Variants in GALNT2 observed in about 807,000 individuals in gnomAD.
GALNT2 encodes the protein UDP-GalNAc:polypeptide N-acetylgalactosaminyltransferase 2.
A neutral mutation model predicts 81.4 loss-of-function variants in GALNT2; 31 were observed. That is an observed-to-expected ratio of 0.38 (90% CI 0.29 to 0.51). GALNT2 has a LOEUF of 0.51. Ranked by LOEUF, GALNT2 falls within the 20% of genes least tolerant of loss-of-function variation. The probability of loss-of-function intolerance (pLI) is 0.87; values close to 1 mark genes in which losing one functional copy is unlikely to be tolerated. For synonymous variants in GALNT2, 303 were observed against 287.4 expected, an observed-to-expected ratio of 1.05 and a Z score of -0.55; for missense variants, 629 against 765.7, an observed-to-expected ratio of 0.82 and a Z score of 2.11.
At chr1:230,250,190 TCGCTCCCACATAGG>T (rs1665499837) in intron 9 of GALNT2, among the ~76,000 whole-genome samples, 1 of 152,214 alleles carries the variant, frequency 6.6e-6, no homozygotes, top group Non-Finnish European at 1.5e-5. Flanking sequence ...GCCCCAGCAG[TCGCTCCCACATAGG>T]GGAGGCTCAG....
intron 1 of GALNT2, among the ~76,000 whole-genome samples, chr1:230,101,630 C>G (rs72758273): frequency 0.16 from 24,282 of 152,196 alleles, 2,059 homozygotes; most frequent in South Asian, 0.23. Flanking sequence ...CAGCCAAACT[C>G]TGGGCCAAAA....
At chr1:230,141,668 A>G (rs1661737894) in intron 1 of GALNT2, among the ~76,000 whole-genome samples, 1 of 151,340 alleles carries the variant, frequency 6.6e-6, no homozygotes, top group Non-Finnish European at 1.5e-5. Flanking sequence ...GTTAGGCCAC[A>G]TTTTGTTGAT....
intron 3 of GALNT2, among the ~76,000 whole-genome samples, chr1:230,208,581 A>G (rs1664137723): frequency 6.6e-6 from 1 of 152,220 alleles, no homozygotes; most frequent in Non-Finnish European, 1.5e-5. Context: ...TGTTAAGCCC[A>G]AGGGAATGGA....
rs929038768 is a variant in GALNT2, at chr1:230,243,778, C to T, written c.729+351C>T. On this transcript the variant is annotated intron_variant, in intron 7 of 15. Transcript: ENST00000366672. The surrounding 1 kb of genome is among the most constrained non-coding windows in gnomAD (Gnocchi z 4.2). ...TTCGCAGAGTGCTTAGAACATTGCC[C>T]GGCACCTAGCAAGTGCCATCTCTTG... is the stretch of plus-strand genomic sequence containing the variant. Among the ~76,000 whole-genome samples, 22 of 152,142 alleles carry T rather than the reference C, an allele frequency of 1.4e-4. No homozygotes were observed. Among genetic ancestry groups the T allele is most frequent in the Admixed American group, 3.9e-4 (6 of 15,274 alleles).
intron 10 of GALNT2, among the ~76,000 whole-genome samples, chr1:230,251,845 G>C (rs1024083978): frequency 2.6e-5 from 4 of 152,174 alleles, no homozygotes; most frequent in Admixed American, 1.3e-4. Context: ...TTGTGTCATC[G>C]TGTAGGAAGA....
At chr1:230,097,884 T>C (rs1294558226) in intron 1 of GALNT2, among the ~76,000 whole-genome samples, 1 of 152,224 alleles carries the variant, frequency 6.6e-6, no homozygotes, top group African/African-American at 2.4e-5. Flanking sequence ...GTCTTTAGGT[T>C]TGGTCGCTAT....
intron 2 of GALNT2, among the ~76,000 whole-genome samples, chr1:230,182,827 C>G (rs773315876): frequency 2.0e-5 from 3 of 152,184 alleles, no homozygotes; most frequent in Non-Finnish European, 4.4e-5. Context: ...TGACAGAGGA[C>G]TATTGAGGTC....
intron 2 of GALNT2, among the ~76,000 whole-genome samples, chr1:230,185,694 A>G (rs527274577): frequency 2.6e-5 from 4 of 152,274 alleles, no homozygotes; most frequent in Admixed American, 2.0e-4. Flanking sequence ...GCTTCTTTCA[A>G]AATGGTTATT....
chr1:230,118,217 C>G (rs925513895), intron 1 of GALNT2, among the ~76,000 whole-genome samples: 1 of 152,140 alleles, frequency 6.6e-6, no homozygotes, highest in Non-Finnish European at 1.5e-5. Flanking sequence ...CTGGATATAC[C>G]ACAGTTAATC....
chr1:230,258,154 A>T (rs1665770640), intron 11 of GALNT2, among the ~76,000 whole-genome samples: 1 of 152,114 alleles, frequency 6.6e-6, no homozygotes, highest in Non-Finnish European at 1.5e-5. Flanking sequence ...ACCTCAGGTG[A>T]TCTGCCCACC....
intron 3 of GALNT2, among the ~76,000 whole-genome samples, chr1:230,224,791 G>A (rs943690124): frequency 1.3e-5 from 2 of 152,220 alleles, no homozygotes; most frequent in Non-Finnish European, 2.9e-5. Flanking sequence ...TGAGATTAGA[G>A]GACTTCAAAG....
chr1:230,184,013 C>T (rs1663239506), intron 2 of GALNT2, among the ~76,000 whole-genome samples: 1 of 151,800 alleles, frequency 6.6e-6, no homozygotes, highest in African/African-American at 2.4e-5. Flanking sequence ...TTTACCTTCA[C>T]TTATTCCTTC....
At chr1:230,091,769 CAGTT>C (rs1388700043) in intron 1 of GALNT2, 2 of 152,430 alleles carry the variant, frequency 1.3e-5, no homozygotes, top group East Asian at 3.9e-4. Context: ...ATTCAGTCTT[CAGTT>C]ATCCCAGCAC....
chr1:230,161,687 G>A (rs181845595), intron 1 of GALNT2, among the ~76,000 whole-genome samples: 6 of 152,238 alleles, frequency 3.9e-5, no homozygotes, highest in Non-Finnish European at 8.8e-5. Context: ...TGCCTTTGGC[G>A]GGTGACTCAC....
chr1:230,270,548 C>G (rs1482262461), intron 14 of GALNT2, among the ~76,000 whole-genome samples: 1 of 152,200 alleles, frequency 6.6e-6, no homozygotes. Flanking sequence ...CCCTGGGTGC[C>G]CTGTAGCTAG....
intron 1 of GALNT2, among the ~76,000 whole-genome samples, chr1:230,138,737 T>C (rs4846902): frequency 0.76 from 115,412 of 152,050 alleles, 44,413 homozygotes; most frequent in African/African-American, 0.9. Flanking sequence ...CGGTAACTTC[T>C]TGACGTTGCC....
chr1:230,090,199 C>T (rs1660024554), intron 1 of GALNT2, among the ~76,000 whole-genome samples: 1 of 152,152 alleles, frequency 6.6e-6, no homozygotes, highest in African/African-American at 2.4e-5. Flanking sequence ...AATGTAATTT[C>T]CAAGGAAAAA....
intron 1 of GALNT2, among the ~76,000 whole-genome samples, chr1:230,133,449 CTTTTTTTTT>C (rs71934973): frequency 1.4e-5 from 2 of 140,330 alleles, no homozygotes; most frequent in Admixed American, 1.4e-4. Context: ...TTTCTTTTTT[CTTTTTTTTT>C]TTTTTTGAGA....
intron 1 of GALNT2, among the ~76,000 whole-genome samples, chr1:230,175,388 A>G (rs1335415891): frequency 1.3e-5 from 2 of 151,974 alleles, no homozygotes; most frequent in Non-Finnish European, 2.9e-5. Context: ...TACGAACACT[A>G]AATGTTCAGT....
Sources: gnomAD v4.1 joint callset for allele counts (sites outside exome capture counted in the v4.1 genomes callset) on GRCh38, gnomAD v4.1.1 for gene constraint, Gnocchi (gnomAD v3.1) non-coding constraint, MANE v1.5 for transcripts, NCBI Gene and HGNC (gene_info 2026-07-23, HGNC 2026-07-21) for gene names.